SLC30A10: variants seen among roughly 807,000 people sequenced by gnomAD.
SLC30A10 encodes the protein calcium/manganese antiporter SLC30A10.
SLC30A10 carries 8 observed loss-of-function variants against 21.7 expected under a neutral mutation model. The ratio of observed to expected loss-of-function variants is 0.37; its 90% confidence interval spans 0.22 to 0.67. The LOEUF is 0.67. Among genes scored for constraint, SLC30A10 ranks in the 30% least tolerant of loss-of-function variants. The pLI, the probability that SLC30A10 is intolerant of heterozygous loss-of-function variation, is 0.58. For missense variants in SLC30A10, 521 were observed against 642.5 expected, an observed-to-expected ratio of 0.81 and a Z score of 2.04; for synonymous variants, 272 against 279.4, an observed-to-expected ratio of 0.97 and a Z score of 0.26.
chr1:219,922,866 G>T (rs1005528678), intron 2 of SLC30A10, among the ~76,000 whole-genome samples: 29 of 152,186 alleles, frequency 1.9e-4, no homozygotes, highest in Non-Finnish European at 3.7e-4. Context: ...TAGATGACGG[G>T]ACTGAACATT....
At chr1:219,928,594 G>A (rs191465330), upstream of SLC30A10, 87 of 607,808 alleles carry the variant, frequency 1.4e-4, no homozygotes, top group Admixed American at 2.2e-3. This position sits in a 1 kb window ranked among gnomAD's most constrained non-coding sequence, Gnocchi z 6.3. Context: ...TTTATAACGC[G>A]AGGCCGAGCG....
At chr1:219,919,415 T>C (rs1043708110) in intron 2 of SLC30A10, among the ~76,000 whole-genome samples, 3 of 151,880 alleles carry the variant, frequency 2.0e-5, no homozygotes, top group African/African-American at 7.3e-5. Flanking sequence ...ACCTAGGAGG[T>C]TGTTAGAAAT....
chr1:219,925,643 ATATATATATTTT>A (rs1659797006), intron 2 of SLC30A10, among the ~76,000 whole-genome samples: 1 of 75,086 alleles, frequency 1.3e-5, no homozygotes, highest in African/African-American at 7.5e-5. Flanking sequence ...ATATATATAT[ATATATATATTTT>A]TTTTTTTTTT....
intron 1 of SLC30A10, among the ~76,000 whole-genome samples, chr1:219,956,035 T>G (rs561822276): frequency 1.3e-5 from 2 of 152,324 alleles, no homozygotes; most frequent in East Asian, 3.9e-4. Context: ...TTTAAACCAA[T>G]TTAGATGATG....
rs1419446749 is a variant in SLC30A10 at position 219,915,216 on chromosome 1, A to C, written c.*233T>G. The C allele has an allele frequency of 1.8e-6, 1 of 558,190 alleles. No individual in the cohort carries two copies. Among genetic ancestry groups the C allele is most frequent in the Non-Finnish European group, 3.2e-6 (1 of 313,490 alleles). 34.6% of individuals were successfully genotyped at this position (558,190 alleles called of 1,614,324 possible). A position where few individuals can be genotyped will look rare whatever the true frequency, so the allele number is the denominator to read the frequency against. On this transcript the variant is annotated 3_prime_UTR_variant, in exon 4 of 4. Coordinates refer to ENST00000366926, the MANE Select transcript of SLC30A10 (RefSeq NM_018713.3). Reference sequence around the variant, plus strand: ...GTTTGCTTTAGAAAATGCATGTTCAAGCTGAAACAGTCAAAGAGCAGCATG... The same window carrying C: ...GTTTGCTTTAGAAAATGCATGTTCACGCTGAAACAGTCAAAGAGCAGCATG...
intron 1 of SLC30A10, among the ~76,000 whole-genome samples, chr1:219,954,183 A>G (rs1414848246): frequency 1.3e-5 from 2 of 152,004 alleles, no homozygotes; most frequent in Non-Finnish European, 1.5e-5. Flanking sequence ...TGAAAAGCCC[A>G]TGTCAGGCTA....
chr1:219,915,545 A>G lies in SLC30A10; in HGVS notation c.1362T>C (p.Ala454=). Residue 454 remains alanine (A), a synonymous_variant, in exon 4 of 4, where the codon GCT becomes GCC. Transcript: ENST00000366926. ...GACAGCTATCCAAAGACACTTCAAT[A>G]GCCACTTCTCTTGCGTCTCTTCTAC... ...GLSRRDAREV[A]IEVSLDSCLS... is the part of the protein sequence containing the mutation. 6.2e-7 allele frequency: 1 copy of G among 1,614,226 alleles called. No homozygotes were observed. The highest frequency in any genetic ancestry group is 8.5e-7 in the Non-Finnish European group (1 of 1,180,036).
intron 1 of SLC30A10, among the ~76,000 whole-genome samples, chr1:219,939,052 G>A (rs1660082237): frequency 6.6e-6 from 1 of 152,190 alleles, no homozygotes; most frequent in African/African-American, 2.4e-5. Flanking sequence ...ATGAGAGAGA[G>A]TAATTTGCTC....
intron 1 of SLC30A10, among the ~76,000 whole-genome samples, chr1:219,940,624 T>G (rs1452991487): frequency 6.6e-6 from 1 of 152,192 alleles, no homozygotes; most frequent in Non-Finnish European, 1.5e-5. Flanking sequence ...GATATTGGCA[T>G]AGAATATTTA....
chr1:219,930,160 C>T (rs907438070), upstream of SLC30A10, among the ~76,000 whole-genome samples: 20 of 148,356 alleles, frequency 1.3e-4, no homozygotes, highest in Admixed American at 1.1e-3. Context: ...CCAAAAACAA[C>T]AAAAAACAAA....
chr1:219,933,385 CACTT>C (rs930905742), upstream of SLC30A10, among the ~76,000 whole-genome samples: 4 of 152,198 alleles, frequency 2.6e-5, no homozygotes, highest in Admixed American at 6.5e-5. Flanking sequence ...ATTTTGCACT[CACTT>C]TGAGAAAATT....
At chr1:219,930,237 C>T (rs148891943), upstream of SLC30A10, among the ~76,000 whole-genome samples, 3 of 150,688 alleles carry the variant, frequency 2.0e-5, no homozygotes, top group African/African-American at 7.3e-5. Context: ...TTTGGAAGAC[C>T]GAGGTGGGAG....
upstream of SLC30A10, among the ~76,000 whole-genome samples, chr1:219,931,691 A>G (rs1293757864): frequency 1.3e-5 from 2 of 152,114 alleles, no homozygotes; most frequent in Non-Finnish European, 2.9e-5. Flanking sequence ...ACGTTGGCCA[A>G]GCTGGTCTCG....
chr1:219,927,164 A>C lies in SLC30A10; in HGVS notation c.641-59T>G, dbSNP rs193013096. 612 of 1,516,738 alleles carry C rather than the reference A, an allele frequency of 4.0e-4. No homozygotes were observed. The Middle Eastern group carries it at 4.2e-3, about 10-fold the overall frequency. The allele number at this position is 1,516,738 out of a possible 1,614,324, so 94.0% of individuals were successfully genotyped here. A position where few individuals can be genotyped will look rare whatever the true frequency, so the allele number is the denominator to read the frequency against. On this transcript the variant is annotated intron_variant, in intron 1 of 3. Coordinates refer to ENST00000366926, the MANE Select transcript of SLC30A10 (RefSeq NM_018713.3). ...AAGTTCTACAAACAAACAAAAAAAA[A>C]CCAATGGACTCAAAATAAAGTTTTG...
At chr1:219,929,957 A>C (rs1327436284), upstream of SLC30A10, among the ~76,000 whole-genome samples, 2 of 152,018 alleles carry the variant, frequency 1.3e-5, no homozygotes, top group African/African-American at 4.8e-5. Flanking sequence ...CCTGCTGTGG[A>C]GGTTTGAGAG....
chr1:219,925,651 A>ATATATATATTT (rs1317554458), intron 2 of SLC30A10, among the ~76,000 whole-genome samples: 4 of 48,276 alleles, frequency 8.3e-5, no homozygotes, highest in African/African-American at 3.5e-4. Context: ...ATATATATAT[A>ATATATATATTT]TTTTTTTTTT....
intron 2 of SLC30A10, among the ~76,000 whole-genome samples, chr1:219,921,439 C>T (rs1344353296): frequency 1.3e-5 from 2 of 152,166 alleles, no homozygotes; most frequent in African/African-American, 4.8e-5. Flanking sequence ...CATCCTGCCT[C>T]ATGTAAGTTC....
At chr1:219,932,716 T>C (rs2795311), upstream of SLC30A10, among the ~76,000 whole-genome samples, 123 of 130,430 alleles carry the variant, frequency 9.4e-4, no homozygotes, top group African/African-American at 4.3e-3. Context: ...TTTTTTTTTT[T>C]TTTTTTTTTT....
At position 219,918,440 on chromosome 1, in the gene SLC30A10, G is replaced by A. The variant is rs1659598458; in HGVS notation, c.773C>T (p.Thr258Met). The A allele has an allele frequency of 7.4e-6, 12 of 1,613,514 alleles. No homozygotes were observed. Among genetic ancestry groups the A allele is most frequent in the African/African-American group, 4.0e-5 (3 of 74,988 alleles). ...DALGSVVVVI[T>M]AIIFYVLPLK... ...GGGAAGCACATAGAATATGATGGCC[G>A]TGATGACCACAACCACGGACCCCAG... Residue 258 changes from threonine to methionine, a missense_variant, in exon 3 of 4, where the codon ACG becomes ATG. Physicochemically the swap from Thr to Met is moderately conservative, Grantham distance 81 (BLOSUM62 -1). Transcript: ENST00000366926. The surrounding 1 kb of genome is among the most constrained non-coding windows in gnomAD (Gnocchi z 4.4).
Sources: gnomAD v4.1 joint callset for allele counts (sites outside exome capture counted in the v4.1 genomes callset) on GRCh38, gnomAD v4.1.1 for gene constraint, Gnocchi (gnomAD v3.1) non-coding constraint, MANE v1.5 for transcripts, NCBI Gene and HGNC (gene_info 2026-07-23, HGNC 2026-07-21) for gene names.